The following ENTREP2 variants were observed in gnomAD, a reference collection of about 807,000 sequenced individuals.
ENTREP2 encodes endosomal transmembrane epsin interactor 2.
chr15:29,564,775 T>C, the ENTREP2 span, among the ~76,000 whole-genome samples: 1 of 152,202 alleles, frequency 6.6e-6, no homozygotes. Flanking sequence ...GTCCTTCTGA[T>C]GCTGGTGGTT....
At chr15:29,378,966 CAG>C in the ENTREP2 span, among the ~76,000 whole-genome samples, 2 of 152,202 alleles carry the variant, frequency 1.3e-5, no homozygotes, top group African/African-American at 4.8e-5. Context: ...GGTCATGATT[CAG>C]AGAGTGAGTT....
the ENTREP2 span, among the ~76,000 whole-genome samples, chr15:29,379,570 A>G: frequency 0.29 from 44,350 of 151,710 alleles, 6,974 homozygotes; most frequent in African/African-American, 0.41. Context: ...GGGAGCGAGC[A>G]CTCTGAACAT....
chr15:29,172,323 A>G, the ENTREP2 span, among the ~76,000 whole-genome samples: 1 of 152,230 alleles, frequency 6.6e-6, no homozygotes, highest in Non-Finnish European at 1.5e-5. Flanking sequence ...GCTAACCACC[A>G]TATTAATCCA....
chr15:29,502,812 T>A, the ENTREP2 span, among the ~76,000 whole-genome samples: 1 of 151,940 alleles, frequency 6.6e-6, no homozygotes, highest in Non-Finnish European at 1.5e-5. Context: ...TAAGAAGATA[T>A]ACAAATGGCC....
chr15:29,189,210 A>G, the ENTREP2 span, among the ~76,000 whole-genome samples: 1 of 152,248 alleles, frequency 6.6e-6, no homozygotes, highest in South Asian at 2.1e-4. Flanking sequence ...ATGAGAAGTG[A>G]GTGTGGTCTT....
the ENTREP2 span, among the ~76,000 whole-genome samples, chr15:29,546,779 C>G: frequency 6.6e-6 from 1 of 150,708 alleles, no homozygotes; most frequent in Non-Finnish European, 1.5e-5. Context: ...CCCAGCTACT[C>G]GGGAGGCTGA....
the ENTREP2 span, among the ~76,000 whole-genome samples, chr15:29,340,011 A>G: frequency 6.6e-6 from 1 of 152,236 alleles, no homozygotes; most frequent in African/African-American, 2.4e-5. Context: ...CAGAATTAGT[A>G]TTTGTGTTAG....
chr15:29,495,808 A>G, the ENTREP2 span, among the ~76,000 whole-genome samples: 1 of 152,046 alleles, frequency 6.6e-6, no homozygotes, highest in Non-Finnish European at 1.5e-5. Context: ...TTTGGCTACT[A>G]TAGCTTTGTA....
the ENTREP2 span, among the ~76,000 whole-genome samples, chr15:29,510,950 A>G: frequency 6.6e-6 from 1 of 152,170 alleles, no homozygotes; most frequent in Non-Finnish European, 1.5e-5. Context: ...AGAGAAAACC[A>G]AACACCACAT....
the ENTREP2 span, among the ~76,000 whole-genome samples, chr15:29,505,857 C>T: frequency 2.0e-5 from 3 of 152,112 alleles, no homozygotes; most frequent in African/African-American, 7.2e-5. The surrounding 1 kb of genome is among the most constrained non-coding windows in gnomAD (Gnocchi z 4.3). Flanking sequence ...CCCTTCTCCT[C>T]CAAAGGATCA....
At chr15:29,293,304 G>A in the ENTREP2 span, among the ~76,000 whole-genome samples, 1 of 152,018 alleles carries the variant, frequency 6.6e-6, no homozygotes, top group Non-Finnish European at 1.5e-5. Context: ...AGGCTGGAGT[G>A]CAGTGGCACA....
the ENTREP2 span, among the ~76,000 whole-genome samples, chr15:29,186,994 C>T: frequency 6.6e-6 from 1 of 152,138 alleles, no homozygotes; most frequent in Non-Finnish European, 1.5e-5. Context: ...ATACCTAGAG[C>T]TGTGTTTGGT....
At chr15:29,188,106 A>G in the ENTREP2 span, among the ~76,000 whole-genome samples, 1 of 152,188 alleles carries the variant, frequency 6.6e-6, no homozygotes. Context: ...GCTGTGTGAA[A>G]TATTAATAAT....
At chr15:29,596,406 G>A in the ENTREP2 span, among the ~76,000 whole-genome samples, 2 of 127,250 alleles carry the variant, frequency 1.6e-5, no homozygotes, top group African/African-American at 5.5e-5. Context: ...GCTTACTTTA[G>A]TTAATTCTTT....
the ENTREP2 span, among the ~76,000 whole-genome samples, chr15:29,649,531 G>A: frequency 6.6e-6 from 1 of 151,894 alleles, no homozygotes; most frequent in Non-Finnish European, 1.5e-5. Flanking sequence ...GACCAGCCTG[G>A]CCAACATGGT....
At chr15:29,589,484 G>T in the ENTREP2 span, among the ~76,000 whole-genome samples, 4 of 152,088 alleles carry the variant, frequency 2.6e-5, no homozygotes, top group Non-Finnish European at 5.9e-5. Flanking sequence ...TGCTGTTCTG[G>T]AATCTGCCTC....
At chr15:29,664,265 G>A in the ENTREP2 span, among the ~76,000 whole-genome samples, 1 of 152,134 alleles carries the variant, frequency 6.6e-6, no homozygotes, top group African/African-American at 2.4e-5. Flanking sequence ...CACCTTAAAC[G>A]TGAGAGGTGC....
At chr15:29,177,904 C>T in the ENTREP2 span, among the ~76,000 whole-genome samples, 31 of 114,118 alleles carry the variant, frequency 2.7e-4, no homozygotes, top group African/African-American at 1.6e-4. Flanking sequence ...GGAGGCAGGG[C>T]GGGAGGGATA....
the ENTREP2 span, among the ~76,000 whole-genome samples, chr15:29,542,449 C>A: frequency 6.6e-6 from 1 of 150,684 alleles, no homozygotes; most frequent in Non-Finnish European, 1.5e-5. Flanking sequence ...CAGGAGCCTG[C>A]AGCCATGCCC....
Sources: gnomAD v4.1 joint callset for allele counts (sites outside exome capture counted in the v4.1 genomes callset) on GRCh38, gnomAD v4.1.1 for gene constraint, Gnocchi (gnomAD v3.1) non-coding constraint, MANE v1.5 for transcripts, NCBI Gene and HGNC (gene_info 2026-07-23, HGNC 2026-07-21) for gene names.